The following GALNT2 variants were observed in gnomAD, a reference collection of about 807,000 sequenced individuals.
GALNT2 encodes polypeptide N-acetylgalactosaminyltransferase 2, also known as UDP-GalNAc:polypeptide N-acetylgalactosaminyltransferase 2.
In GALNT2, 31 loss-of-function variants were observed where a neutral mutation model predicts 81.4. The observed-to-expected ratio is 0.38, with a 90% CI of 0.29 to 0.51. The LOEUF (loss-of-function observed/expected upper bound fraction) is 0.51. Among genes scored for constraint, GALNT2 ranks in the 20% least tolerant of loss-of-function variants. The probability of loss-of-function intolerance (pLI) is 0.87; values close to 1 mark genes in which losing one functional copy is unlikely to be tolerated. For synonymous variants in GALNT2, 303 were observed against 287.4 expected, an observed-to-expected ratio of 1.05 and a Z score of -0.55; for missense variants, 629 against 765.7, an observed-to-expected ratio of 0.82 and a Z score of 2.11.
At chr1:230,168,588 A>G (rs1271488941) in intron 1 of GALNT2, among the ~76,000 whole-genome samples, 1 of 152,248 alleles carries the variant, frequency 6.6e-6, no homozygotes, top group Non-Finnish European at 1.5e-5. Context: ...ACAGGCACCC[A>G]GGAAATACAT....
rs1422191147 is a variant in GALNT2 at position 230,243,091 on chromosome 1, C to T, written c.608-215C>T. 6.6e-6 allele frequency among the ~76,000 whole-genome samples: 1 copy of T among 152,316 alleles called. No individual in the cohort carries two copies. Among genetic ancestry groups the T allele is most frequent in the East Asian group, 1.9e-4 (1 of 5,186 alleles). On this transcript the variant is annotated intron_variant, in intron 6 of 15. Transcript: ENST00000366672. The surrounding 1 kb of genome is among the most constrained non-coding windows in gnomAD (Gnocchi z 4.2). Reference sequence around the variant, plus strand: ...AGACGGTAGTTCTAAGAACGTTGTCCTCCCAGTCATCCAATATAACTATTA... The same window carrying T: ...AGACGGTAGTTCTAAGAACGTTGTCTTCCCAGTCATCCAATATAACTATTA...
At chr1:230,246,964 T>C (rs549018306) in intron 8 of GALNT2, among the ~76,000 whole-genome samples, 4 of 151,720 alleles carry the variant, frequency 2.6e-5, no homozygotes, top group African/African-American at 4.8e-5. Context: ...CTTGACCAGG[T>C]GCAGTGGCTC....
chr1:230,279,577 A>G lies in GALNT2; in HGVS notation c.*119A>G. 1 of 1,301,200 alleles carries G rather than the reference A, an allele frequency of 7.7e-7. No individual in the cohort carries two copies. The highest frequency in any genetic ancestry group is 1.0e-6 in the Non-Finnish European group (1 of 961,190). 80.6% of individuals were successfully genotyped at this position (1,301,200 alleles called of 1,614,324 possible). ...AACTAATATACCTCAGTATTCCATC[A>G]TGGTCTGAAAGTCAAACTTCGGCAA... On this transcript the variant is annotated 3_prime_UTR_variant, in exon 16 of 16. Transcript: ENST00000366672. This position sits in a 1 kb window ranked among gnomAD's most constrained non-coding sequence, Gnocchi z 4.6.
At chr1:230,143,833 C>A (rs926137117) in intron 1 of GALNT2, among the ~76,000 whole-genome samples, 1 of 152,224 alleles carries the variant, frequency 6.6e-6, no homozygotes, top group South Asian at 2.1e-4. Flanking sequence ...CCCTGCTCAG[C>A]GATCACCAGC....
chr1:230,087,343 G>A (rs1659930535), intron 1 of GALNT2, among the ~76,000 whole-genome samples: 1 of 152,170 alleles, frequency 6.6e-6, no homozygotes, highest in East Asian at 1.9e-4. Context: ...CCTGTTGATT[G>A]CACTCGAATT....
chr1:230,114,250 G>C (rs1046314649), intron 1 of GALNT2, among the ~76,000 whole-genome samples: 39 of 152,060 alleles, frequency 2.6e-4, no homozygotes, highest in African/African-American at 9.4e-4. Context: ...CTCATTCTAG[G>C]GGGAGGTTTA....
Position 230,068,962 on chromosome 1 carries a change from A to G in GALNT2, c.126+1556A>G, listed in dbSNP as rs1395741191. On this transcript the variant is annotated intron_variant, in intron 1 of 15. Transcript: ENST00000366672. ...ATCGTGTAAAACTGGAATGATTTTT[A>G]AAACTTTGCTTCCCGGTAAACTGTG... 2.0e-5 allele frequency among the ~76,000 whole-genome samples: 3 copies of G among 152,358 alleles called. No homozygotes were observed. The East Asian group carries it at 5.8e-4, about 29-fold the overall frequency.
chr1:230,074,702 C>T (rs189926581), intron 1 of GALNT2, among the ~76,000 whole-genome samples: 7 of 152,152 alleles, frequency 4.6e-5, no homozygotes, highest in Non-Finnish European at 1.0e-4. Context: ...TATATTAATA[C>T]GTTTTAATTT....
chr1:230,256,504 CAT>C (rs1665721031), intron 11 of GALNT2, among the ~76,000 whole-genome samples: 1 of 149,364 alleles, frequency 6.7e-6, no homozygotes, highest in Non-Finnish European at 1.5e-5. Flanking sequence ...TAAAGTTTAA[CAT>C]GAGTTTTGGA....
At chr1:230,109,561 C>T (rs1660642120) in intron 1 of GALNT2, among the ~76,000 whole-genome samples, 1 of 152,210 alleles carries the variant, frequency 6.6e-6, no homozygotes, top group Non-Finnish European at 1.5e-5. Flanking sequence ...GGCGCAGTGG[C>T]TCACGCATGT....
intron 3 of GALNT2, among the ~76,000 whole-genome samples, chr1:230,205,146 A>G (rs113967190): frequency 2.7e-4 from 41 of 152,316 alleles, no homozygotes; most frequent in African/African-American, 9.4e-4. Context: ...AGAGAGACAA[A>G]TGGCCAGTGA....
chr1:230,226,544 G>A (rs1186886271), intron 3 of GALNT2, among the ~76,000 whole-genome samples: 4 of 152,198 alleles, frequency 2.6e-5, no homozygotes, highest in African/African-American at 7.2e-5. Flanking sequence ...ATGGAGACTC[G>A]CAGACTTTCA....
intron 5 of GALNT2, 83 bp from the exon 6 acceptor site, chr1:230,236,577 A>C: frequency 6.9e-7 from 1 of 1,455,764 alleles, no homozygotes; most frequent in Non-Finnish European, 9.5e-7. Context: ...ATCGGCCCTT[A>C]GATGATTGAG....
intron 5 of GALNT2, 47 bp from the exon 6 acceptor site, chr1:230,236,613 T>C: frequency 1.9e-6 from 3 of 1,580,688 alleles, no homozygotes; most frequent in Non-Finnish European, 2.6e-6. Context: ...TGCAAAGCCC[T>C]TTATGAACTC....
intron 1 of GALNT2, among the ~76,000 whole-genome samples, chr1:230,123,403 G>C (rs1293067022): frequency 3.3e-5 from 5 of 152,174 alleles, no homozygotes; most frequent in Non-Finnish European, 5.9e-5. Context: ...GAATACCAAG[G>C]GTCTCCCCAG....
At chr1:230,182,341 T>A (rs1177425079) in intron 2 of GALNT2, among the ~76,000 whole-genome samples, 1 of 152,220 alleles carries the variant, frequency 6.6e-6, no homozygotes, top group African/African-American at 2.4e-5. Context: ...AGATCTTTCT[T>A]ATTTTCTAAT....
intron 8 of GALNT2, among the ~76,000 whole-genome samples, chr1:230,247,950 A>G (rs1006640200): frequency 7.9e-5 from 12 of 152,164 alleles, no homozygotes; most frequent in African/African-American, 2.9e-4. Context: ...CAGCCAGGAC[A>G]TTGTTTTTCT....
In GALNT2 at chr1:230,166,332, C is replaced by T. The variant is rs565457661; in HGVS notation, c.127-11886C>T. On this transcript the variant is annotated intron_variant, in intron 1 of 15. Coordinates refer to ENST00000366672, the MANE Select transcript of GALNT2 (RefSeq NM_004481.5). ...CTTTTTCAGGCACTCCTCCCCGCAG[C>T]GTCACTCATGAGTTTCTTTTTCTTG... is the stretch of plus-strand genomic sequence containing the variant. Among the ~76,000 whole-genome samples, 32 of 152,338 alleles carry T rather than the reference C, an allele frequency of 2.1e-4. No individual in the cohort carries two copies. In the South Asian group the frequency reaches 6.2e-3, roughly 30 times the overall value.
At chr1:230,180,082 C>A (rs1475375020) in intron 2 of GALNT2, among the ~76,000 whole-genome samples, 1 of 152,124 alleles carries the variant, frequency 6.6e-6, no homozygotes, top group Non-Finnish European at 1.5e-5. Context: ...CCAAGCCCAG[C>A]TAATTTTTGT....
Sources: gnomAD v4.1 joint callset for allele counts (sites outside exome capture counted in the v4.1 genomes callset) on GRCh38, gnomAD v4.1.1 for gene constraint, Gnocchi (gnomAD v3.1) non-coding constraint, MANE v1.5 for transcripts, NCBI Gene and HGNC (gene_info 2026-07-23, HGNC 2026-07-21) for gene names.